ATP5F1A: variants seen among roughly 807,000 people sequenced by gnomAD.
ATP5F1A encodes the protein ATP synthase F1 subunit alpha.
ATP5F1A carries 24 observed loss-of-function variants against 57.4 expected under a neutral mutation model. The observed-to-expected ratio is 0.42, with a 90% confidence interval of 0.30 to 0.59. The LOEUF is 0.59. ATP5F1A is among the 20% of genes least tolerant of loss of function. ATP5F1A has a pLI of 0.19. For synonymous variants in ATP5F1A, 251 were observed against 255.5 expected, an observed-to-expected ratio of 0.98 and a Z score of 0.17; for missense variants, 494 against 707.9, an observed-to-expected ratio of 0.70 and a Z score of 3.43.
intron 1 of ATP5F1A, 175 bp downstream of exon 1, chr18:46,097,997 T>C: frequency 7.1e-7 from 1 of 1,412,040 alleles, no homozygotes; most frequent in Non-Finnish European, 9.2e-7. Flanking sequence ...TCTGCGCAGG[T>C]GACGAGCAAA....
chr18:46,094,178 C>A (rs1009426711), intron 2 of ATP5F1A, among the ~76,000 whole-genome samples: 6 of 146,204 alleles, frequency 4.1e-5, no homozygotes, highest in African/African-American at 1.6e-4. Context: ...CACACACACA[C>A]ACACACACAT....
rs866406532 is a variant in ATP5F1A at position 46,086,413 on chromosome 18, C to A, written c.1258G>T (p.Ala420Ser). The A allele has an allele frequency of 1.2e-6, 2 of 1,614,084 alleles. No individual in the cohort carries two copies. Among genetic ancestry groups the A allele is most frequent in the East Asian group, 2.2e-5 (1 of 44,882 alleles). ...TGCTTCATAGCCCTGGTTTGGGCAG[C>A]GGATCCGACACGAGATACAGACAGA... The part of the protein sequence containing the change: ...VGLSVSRVGS[A>S]AQTRAMKQVA... Residue 420 changes from alanine to serine, a missense_variant, in exon 9 of 12, where the codon GCT becomes TCT. Around this residue, in one of 6 missense-constraint regions of ATP5F1A, gnomAD observed 127 missense variants for 195.2 expected, o/e 0.65. Coordinates refer to ENST00000398752, the MANE Select transcript of ATP5F1A (RefSeq NM_004046.6).
In ATP5F1A at chr18:46,082,154, T is replaced by G. The variant is rs1391696798; in HGVS notation, c.*2128A>C. On this transcript the variant is annotated 3_prime_UTR_variant, in exon 12 of 12. Transcript: ENST00000398752. ...ATCCCAGCACTTTGGGAGGCCGAGG[T>G]AAGTGGATCATGAGGTCAGGAGATC... 3 of 133,092 alleles carry G rather than the reference T, an allele frequency of 2.3e-5. No homozygotes were observed. The highest frequency in any genetic ancestry group is 7.7e-5 in the Admixed American group (1 of 13,016). 8.2% of individuals were successfully genotyped at this position (133,092 alleles called of 1,614,324 possible). A position where few individuals can be genotyped will look rare whatever the true frequency, so the allele number is the denominator to read the frequency against.
intron 2 of ATP5F1A, 76 bp downstream of exon 2, chr18:46,094,977 C>A: frequency 6.9e-7 from 1 of 1,458,974 alleles, no homozygotes; most frequent in Non-Finnish European, 9.1e-7. Context: ...AAAAACAACT[C>A]ACCACAGTTA....
intron 10 of ATP5F1A, chr18:46,085,873 C>T: frequency 2.2e-6 from 1 of 455,456 alleles, no homozygotes; most frequent in Non-Finnish European, 3.8e-6. Context: ...GTGGAGGTTG[C>T]AATGAGCCAA....
chr18:46,101,557 G>A (rs982062641), upstream of ATP5F1A, among the ~76,000 whole-genome samples: 2 of 151,848 alleles, frequency 1.3e-5, no homozygotes, highest in Non-Finnish European at 2.9e-5. Context: ...CTGCACTTCA[G>A]TATGCGCGAC....
chr18:46,084,681 G>T, intron 10 of ATP5F1A, 27 bp from the exon 11 acceptor site: 1 of 1,523,448 alleles, frequency 6.6e-7, no homozygotes, highest in Middle Eastern at 1.8e-4. Flanking sequence ...AGAATGCCAA[G>T]TGAGTTGCTC....
upstream of ATP5F1A, among the ~76,000 whole-genome samples, chr18:46,102,042 C>T (rs1177105439): frequency 1.3e-5 from 2 of 151,550 alleles, no homozygotes; most frequent in Middle Eastern, 3.2e-3. Flanking sequence ...GGTGTGGTGG[C>T]GGGCACCTGT....
intron 5 of ATP5F1A, chr18:46,088,738 T>G (rs1018272747): frequency 2.0e-5 from 3 of 153,046 alleles, no homozygotes; most frequent in Admixed American, 2.0e-4. Flanking sequence ...TCGTAAAGGG[T>G]CTGTGCTGAG....
chr18:46,089,537 G>A, intron 5 of ATP5F1A, 29 bp downstream of exon 5: 1 of 1,609,590 alleles, frequency 6.2e-7, no homozygotes, highest in South Asian at 1.1e-5. Flanking sequence ...ATTTTAGTTA[G>A]AACTTTTAAT....
upstream of ATP5F1A, chr18:46,098,481 T>A: frequency 8.3e-7 from 1 of 1,208,440 alleles, no homozygotes; most frequent in Non-Finnish European, 1.1e-6. Flanking sequence ...CCGGCTTTGG[T>A]CCTGGCATTC....
chr18:46,088,932 C>A (rs536319243), intron 5 of ATP5F1A, among the ~76,000 whole-genome samples: 5 of 152,130 alleles, frequency 3.3e-5, no homozygotes, highest in African/African-American at 1.2e-4. Flanking sequence ...CTGCTCTTTA[C>A]TGCACTGAGA....
rs760979049 is a variant in ATP5F1A, at chr18:46,084,234, A to G, written c.*48T>C. ...CTTTTACAAATGGAACTAATTTACTAGAACAATGACAAAACTGAACTGGTA... is the reference window on the plus strand; with the variant it reads ...CTTTTACAAATGGAACTAATTTACTGGAACAATGACAAAACTGAACTGGTA... On this transcript the variant is annotated 3_prime_UTR_variant, in exon 12 of 12. Coordinates refer to ENST00000398752, the MANE Select transcript of ATP5F1A (RefSeq NM_004046.6). 3 of 1,507,986 alleles carry G rather than the reference A, an allele frequency of 2.0e-6. No individual in the cohort carries two copies. The highest frequency in any genetic ancestry group is 2.7e-6 in the Non-Finnish European group (3 of 1,097,364). The allele number at this position is 1,507,986 out of a possible 1,614,324, so 93.4% of individuals were successfully genotyped here.
rs994202626 is a variant in ATP5F1A at position 46,087,656 on chromosome 18, G to C, written c.800-164C>G. ...GCACTTTGGGAGGCCCTAGGCGGGT[G>C]ATCACCTGAGGTCAGGAGTTCGAGA... On this transcript the variant is annotated intron_variant, in intron 6 of 11. Coordinates refer to ENST00000398752, the MANE Select transcript of ATP5F1A (RefSeq NM_004046.6). 2.3e-5 allele frequency: 17 copies of C among 746,152 alleles called. No individual in the cohort carries two copies. The African/African-American group carries it at 2.7e-4, about 12-fold the overall frequency. 46.2% of individuals were successfully genotyped at this position (746,152 alleles called of 1,614,324 possible).
rs519219 is a variant in ATP5F1A at position 46,083,997 on chromosome 18, A to C, written c.*285T>G. Reference sequence around the variant, plus strand: ...GAGAATCAGTCTCAAAAAAAAAAACAAAAAAAAAACTTACAAAGAGCTCAG... The same window carrying C: ...GAGAATCAGTCTCAAAAAAAAAAACCAAAAAAAAACTTACAAAGAGCTCAG... On this transcript the variant is annotated 3_prime_UTR_variant, in exon 12 of 12. Transcript: ENST00000398752. 3.8e-5 allele frequency: 8 copies of C among 210,878 alleles called. No homozygotes were observed. Among genetic ancestry groups the C allele is most frequent in the Admixed American group, 6.1e-5 (1 of 16,490 alleles). 13.1% of individuals were successfully genotyped at this position (210,878 alleles called of 1,614,324 possible).
intron 1 of ATP5F1A, among the ~76,000 whole-genome samples, chr18:46,097,155 CTG>C (rs1911026368): frequency 6.6e-6 from 1 of 152,046 alleles, no homozygotes; most frequent in South Asian, 2.1e-4. Context: ...CGACTGGTCA[CTG>C]TCAATTCTGA....
chr18:46,103,642 G>A (rs1194887469), intron 1 of ATP5F1A, among the ~76,000 whole-genome samples: 2 of 146,546 alleles, frequency 1.4e-5, no homozygotes, highest in African/African-American at 5.0e-5. Context: ...AAAGCTGGGC[G>A]CGCTGGCTCA....
intron 2 of ATP5F1A, among the ~76,000 whole-genome samples, chr18:46,092,617 T>TTATATATATATATATATA (rs10524147): frequency 6.4e-4 from 94 of 146,458 alleles, no homozygotes; most frequent in Middle Eastern, 3.5e-3. Context: ...CACACAAAAA[T>TTATATATATATATATATA]TATATATATA....
intron 1 of ATP5F1A, among the ~76,000 whole-genome samples, chr18:46,103,493 C>T (rs1193597145): frequency 2.0e-5 from 3 of 148,430 alleles, no homozygotes; most frequent in African/African-American, 5.0e-5. Flanking sequence ...CCCAGCTACT[C>T]GGAAGGCTGA....
Sources: allele counts gnomAD v4.1 joint callset (sites outside exome capture counted in the v4.1 genomes callset), GRCh38; gene constraint gnomAD v4.1.1; regional missense constraint gnomAD v4.1.1; transcripts MANE v1.5; gene names NCBI Gene and HGNC (gene_info 2026-07-23, HGNC 2026-07-21).